SUN1: variants seen among roughly 807,000 people sequenced by gnomAD.
SUN1 encodes SUN domain-containing protein 1.
A neutral mutation model predicts 103.2 loss-of-function variants in SUN1; 61 were observed. The observed-to-expected ratio is 0.59, with a 90% CI of 0.48 to 0.73. SUN1 has a LOEUF of 0.73. Ranked by LOEUF, SUN1 falls within the 30% of genes least tolerant of loss-of-function variation. SUN1 has a pLI of 0.00. For synonymous variants in SUN1, 490 were observed against 425.7 expected, an observed-to-expected ratio of 1.15 and a Z score of -1.86; for missense variants, 1,052 against 1,034.6, an observed-to-expected ratio of 1.02 and a Z score of -0.23.
At chr7:865,889 C>A in intron 15 of SUN1, 63 bp from the exon 16 acceptor site, 1 of 1,287,712 alleles carries the variant, frequency 7.8e-7, no homozygotes, top group Non-Finnish European at 1.1e-6. Flanking sequence ...TGAAGTGGTG[C>A]AGTACTATTG....
rs146340174 is a variant in SUN1, at chr7:844,880, T to A, written c.658+1360T>A. ...ACCCAGGTGCTCCCCCTTAGCCACC[T>A]GCCTCCATGAGCACTTGGCACCCCA... On this transcript the variant is annotated intron_variant, in intron 5 of 18. Coordinates refer to ENST00000401592, the MANE Select transcript of SUN1 (RefSeq NM_001130965.3). Among the ~76,000 whole-genome samples, 50 of 152,168 alleles carry A rather than the reference T, an allele frequency of 3.3e-4. 2 individuals are homozygous for A.
intron 1 of SUN1, among the ~76,000 whole-genome samples, chr7:824,117 G>A (rs912010611): frequency 1.8e-4 from 27 of 150,568 alleles, no homozygotes; most frequent in African/African-American, 5.1e-4. Context: ...AGTTAAGGAC[G>A]GGAGTATCCC....
At chr7:832,019 G>T, upstream of SUN1, 1 of 987,640 alleles carries the variant, frequency 1.0e-6, no homozygotes, top group Non-Finnish European at 1.2e-6. Context: ...TCACCCTGCA[G>T]TTTCTTTTCT....
Position 867,200 on chromosome 7 carries a change from G to A in SUN1, c.1980+1133G>A, listed in dbSNP as rs76474252. On this transcript the variant is annotated intron_variant, in intron 16 of 18. Coordinates refer to ENST00000401592, the MANE Select transcript of SUN1 (RefSeq NM_001130965.3). ...CTTTCTGCAGCCATCAGCACCGCACGGGCTCACCAGCACTTTGCTCCTGAG... is the reference window on the plus strand; with the variant it reads ...CTTTCTGCAGCCATCAGCACCGCACAGGCTCACCAGCACTTTGCTCCTGAG... 8.2e-3 allele frequency among the ~76,000 whole-genome samples: 1,255 copies of A among 152,314 alleles called. 49 individuals are homozygous for A. The East Asian group carries it at 0.14, about 17-fold the overall frequency.
rs1244828961 is a variant in SUN1 at position 839,677 on chromosome 7, C to T, written c.266+691C>T. Among the ~76,000 whole-genome samples, 34 of 112,882 alleles carry T rather than the reference C, an allele frequency of 3.0e-4. 12 individuals carry two copies. The highest frequency in any genetic ancestry group is 1.8e-3 in the East Asian group (5 of 2,726). The allele number at this position is 112,882 out of a possible 152,430, so 74.1% of individuals were successfully genotyped here. A position where few individuals can be genotyped will look rare whatever the true frequency, so the allele number is the denominator to read the frequency against. On this transcript the variant is annotated intron_variant, in intron 2 of 18. Coordinates refer to ENST00000401592, the MANE Select transcript of SUN1 (RefSeq NM_001130965.3). ...AAGAGATTCTCCTGCCTCAGCCTCC[C>T]GAGTAGCTGGGACTACAGGCACCCA...
chr7:817,790 T>C (rs1282915317), intron 1 of SUN1, among the ~76,000 whole-genome samples: 1 of 152,244 alleles, frequency 6.6e-6, no homozygotes, highest in South Asian at 2.1e-4. Flanking sequence ...TTTCTCAAAT[T>C]ATTTCTCTAA....
Position 838,917 on chromosome 7 carries a change from G to A in SUN1, c.197G>A (p.Gly66Glu), listed in dbSNP as rs1481428537. The A allele has an allele frequency of 6.2e-7, 1 of 1,611,348 alleles. No homozygotes were observed. Among genetic ancestry groups the A allele is most frequent in the Non-Finnish European group, 8.5e-7 (1 of 1,179,234 alleles). The stretch of plus-strand genomic sequence containing the variant: ...CTGGCCACGACAGCATGCACCCTGG[G>A]GGATGGTGAGGCTGTGGGTGCCGAC... ...LRLATTACTL[G>E]DGEAVGADSG... The change falls in exon 2 of 19, where the codon GGG (glycine) becomes GAG (glutamate). Residue 66 changes from glycine to glutamate, a missense_variant. Physicochemically the swap from Gly to Glu is moderately conservative, Grantham distance 98. Around this residue, in one of 2 missense-constraint regions of SUN1, gnomAD observed 846 missense variants for 774.5 expected, o/e 1.09. Coordinates refer to ENST00000401592, the MANE Select transcript of SUN1 (RefSeq NM_001130965.3).
upstream of SUN1, among the ~76,000 whole-genome samples, chr7:831,322 C>T (rs902177581): frequency 5.4e-5 from 8 of 149,002 alleles, no homozygotes; most frequent in East Asian, 4.0e-4. Flanking sequence ...CCCAGGCTGG[C>T]GTACAGTGGT....
upstream of SUN1, chr7:816,474 T>C (rs1490470960): frequency 1.8e-5 from 3 of 167,056 alleles, no homozygotes; most frequent in Middle Eastern, 2.5e-3. Flanking sequence ...CCGCCTGGAG[T>C]CCTCCTCGCC....
chr7:832,378 G>A (rs1433157231), upstream of SUN1: 2 of 788,068 alleles, frequency 2.5e-6, no homozygotes, highest in Non-Finnish European at 4.3e-6. Context: ...TGCTGGCCGT[G>A]TTTCCTGTGA....
intron 17 of SUN1, among the ~76,000 whole-genome samples, chr7:870,769 C>A (rs1014527444): frequency 3.3e-5 from 5 of 152,120 alleles, no homozygotes; most frequent in African/African-American, 1.2e-4. Context: ...TACACCTTCA[C>A]TAATTAATTC....
rs761818422 is a variant in SUN1 at position 852,652 on chromosome 7, C to T, written c.895C>T (p.Leu299Phe). 6.2e-7 allele frequency: 1 copy of T among 1,614,090 alleles called. No homozygotes were observed. Among genetic ancestry groups the T allele is most frequent in the African/African-American group, 1.3e-5 (1 of 74,930 alleles). ...CAAGTTTTTAGTCTTGCTCATCCCA[C>T]TCTTCCTTTTACTAGGTAAGTCAAA... is the stretch of plus-strand genomic sequence containing the variant. Reference protein sequence around the residue: ...ICKFLVLLIPLFLLLAGLSLR... With the variant: ...ICKFLVLLIPFFLLLAGLSLR... Residue 299 changes from leucine (L) to phenylalanine (F), a missense_variant, in exon 8 of 19, where the codon CTC (leucine) becomes TTC (phenylalanine). Physicochemically the swap from Leu to Phe is conservative, Grantham distance 22 (BLOSUM62 0). Around this residue, in one of 2 missense-constraint regions of SUN1, gnomAD observed 846 missense variants for 774.5 expected, o/e 1.09. Transcript: ENST00000401592.
chr7:873,399 A>C lies in SUN1; in HGVS notation c.*68A>C. The C allele has an allele frequency of 7.3e-7, 1 of 1,375,120 alleles. No individual in the cohort carries two copies. Among genetic ancestry groups the C allele is most frequent in the Non-Finnish European group, 1.0e-6 (1 of 966,376 alleles). 85.2% of individuals were successfully genotyped at this position (1,375,120 alleles called of 1,614,324 possible). A position where few individuals can be genotyped will look rare whatever the true frequency, so the allele number is the denominator to read the frequency against. On this transcript the variant is annotated 3_prime_UTR_variant, in exon 19 of 19. Transcript: ENST00000401592. ...ACAGCGTGAAACACTGGAATCCTTC[A>C]TGGACGAGGGCATATACAATGATGG... is the stretch of plus-strand genomic sequence containing the variant.
chr7:869,763 C>T (rs1840063989), intron 17 of SUN1, among the ~76,000 whole-genome samples: 1 of 152,188 alleles, frequency 6.6e-6, no homozygotes, highest in Non-Finnish European at 1.5e-5. Context: ...AAGAATTTTG[C>T]TCCTCACCGC....
intron 1 of SUN1, chr7:816,950 C>T (rs1012354277): frequency 6.6e-6 from 1 of 152,662 alleles, no homozygotes; most frequent in South Asian, 2.0e-4. Flanking sequence ...CGGCTCGTGG[C>T]GCGGGGTCGG....
At chr7:815,684 C>G (rs1443167681), upstream of SUN1, among the ~76,000 whole-genome samples, 1 of 152,250 alleles carries the variant, frequency 6.6e-6, no homozygotes, top group South Asian at 2.1e-4. Flanking sequence ...CGGTGCAGTC[C>G]CCAGCACGGA....
At position 838,931 on chromosome 7, in the gene SUN1, G is replaced by A; in HGVS notation, c.211G>A (p.Val71Met). 2 of 1,610,692 alleles carry A rather than the reference G, an allele frequency of 1.2e-6. No individual in the cohort carries two copies. Among genetic ancestry groups the A allele is most frequent in the Non-Finnish European group, 1.7e-6 (2 of 1,179,018 alleles). The change falls in exon 2 of 19, where the codon GTG (valine) becomes ATG (methionine). Residue 71 changes from valine (V) to methionine (M), a missense_variant. By Grantham distance (21) the Val-to-Met change is conservative. Transcript: ENST00000401592. ...TACTLGDGEA[V>M]GADSGTSSAV... ...ATGCACCCTGGGGGATGGTGAGGCT[G>A]TGGGTGCCGACAGCGGCACCAGCAG...
chr7:873,079 T>C lies in SUN1; in HGVS notation c.2242-136T>C, dbSNP rs1185449634. Reference sequence around the variant, plus strand: ...TCCAGCCTGGGTGACAGGGCAAGACTCTGTCTCAACAACAACAACAAAAGG... The same window carrying C: ...TCCAGCCTGGGTGACAGGGCAAGACCCTGTCTCAACAACAACAACAAAAGG... On this transcript the variant is annotated intron_variant, in intron 18 of 18. Coordinates refer to ENST00000401592, the MANE Select transcript of SUN1 (RefSeq NM_001130965.3). The C allele has an allele frequency of 4.9e-6, 4 of 824,578 alleles. No individual in the cohort carries two copies. The African/African-American group carries it at 6.7e-5, about 14-fold the overall frequency. 51.1% of individuals were successfully genotyped at this position (824,578 alleles called of 1,614,324 possible).
At chr7:827,220 C>G (rs1283627041) in intron 1 of SUN1, among the ~76,000 whole-genome samples, 1 of 151,752 alleles carries the variant, frequency 6.6e-6, no homozygotes, top group Non-Finnish European at 1.5e-5. Flanking sequence ...CGGGGTTTCA[C>G]CATATTGGCC....
Sources: gnomAD v4.1 joint callset for allele counts (sites outside exome capture counted in the v4.1 genomes callset) on GRCh38, gnomAD v4.1.1 for gene constraint, gnomAD v4.1.1 regional missense constraint, MANE v1.5 for transcripts, NCBI Gene and HGNC (gene_info 2026-07-23, HGNC 2026-07-21) for gene names.